Variants in TIGIT observed in about 807,000 individuals in gnomAD.
The protein encoded by TIGIT is T-cell immunoreceptor with Ig and ITIM domains.
A neutral mutation model predicts 19.6 loss-of-function variants in TIGIT; 11 were observed. The ratio of observed to expected loss-of-function variants is 0.56; its 90% CI spans 0.35 to 0.93. The LOEUF (loss-of-function observed/expected upper bound fraction) is 0.93. TIGIT is among the 40% of genes least tolerant of loss of function. The probability of loss-of-function intolerance (pLI) is 0.01; values close to 1 mark genes in which losing one functional copy is unlikely to be tolerated. For missense variants in TIGIT, 295 were observed against 303.9 expected, an observed-to-expected ratio of 0.97 and a Z score of 0.22; for synonymous variants, 130 against 125.5, an observed-to-expected ratio of 1.04 and a Z score of -0.24.
At chr3:114,297,256 C>A (rs2078459732) in intron 2 of TIGIT, among the ~76,000 whole-genome samples, 1 of 152,104 alleles carries the variant, frequency 6.6e-6, no homozygotes, top group South Asian at 2.1e-4. Context: ...TTGCAGTTGA[C>A]CCCACGAAGT....
Position 114,295,727 on chromosome 3 carries a change from A to G in TIGIT, c.244A>G (p.Lys82Glu). The change falls in exon 2 of 4, where the codon AAG becomes GAG. Residue 82 changes from lysine (K) to glutamate (E), a missense_variant. Lys to Glu is a moderately conservative substitution (Grantham distance 56). Coordinates refer to ENST00000383671, the MANE Select transcript of TIGIT (RefSeq NM_173799.4). ...GGGGTGGCACATCTCCCCATCCTTCAAGGATCGAGTGGCCCCAGGTCCCGG... is the reference window on the plus strand; with the variant it reads ...GGGGTGGCACATCTCCCCATCCTTCGAGGATCGAGTGGCCCCAGGTCCCGG... ...DLGWHISPSF[K>E]DRVAPGPGLG... The G allele has an allele frequency of 6.2e-7, 1 of 1,614,178 alleles. No individual in the cohort carries two copies. The highest frequency in any genetic ancestry group is 8.5e-7 in the Non-Finnish European group (1 of 1,180,024).
intron 2 of TIGIT, 36 bp downstream of exon 2, chr3:114,295,910 TC>T: frequency 6.6e-7 from 1 of 1,522,574 alleles, no homozygotes; most frequent in Non-Finnish European, 9.0e-7. Context: ...GATAAACCTC[TC>T]CCTCTAGCAT....
rs1264083145 is a variant in TIGIT at position 114,295,466 on chromosome 3, A to G, written c.62-79A>G. 5 of 1,177,382 alleles carry G rather than the reference A, an allele frequency of 4.2e-6. No homozygotes were observed. In the African/African-American group the frequency reaches 7.7e-5, roughly 18 times the overall value. 72.9% of individuals were successfully genotyped at this position (1,177,382 alleles called of 1,614,324 possible). Reference sequence around the variant, plus strand: ...TTCCAAAATCCAGTTGGGGCCTCAAAGGCCCTTAGAATTTTTCTAGGAAGG... The same window carrying G: ...TTCCAAAATCCAGTTGGGGCCTCAAGGGCCCTTAGAATTTTTCTAGGAAGG... On this transcript the variant is annotated intron_variant, in intron 1 of 3. Transcript: ENST00000383671.
intron 3 of TIGIT, chr3:114,307,535 T>G: frequency 9.2e-6 from 2 of 216,222 alleles, no homozygotes; most frequent in South Asian, 7.4e-5. Flanking sequence ...CAGGAGAGAG[T>G]GATGCCAAAG....
chr3:114,307,862 C>A, intron 3 of TIGIT, 33 bp from the exon 4 acceptor site: 1 of 1,583,144 alleles, frequency 6.3e-7, no homozygotes, highest in Non-Finnish European at 8.7e-7. Context: ...ATAACATCCC[C>A]ACATACTCAC....
intron 3 of TIGIT, among the ~76,000 whole-genome samples, chr3:114,303,539 A>G (rs1576141248): frequency 1.3e-4 from 1 of 7,740 alleles, no homozygotes; most frequent in African/African-American, 2.1e-4. Context: ...GTATATATAT[A>G]CACATATATA....
At chr3:114,306,605 T>G (rs2078536715) in intron 3 of TIGIT, among the ~76,000 whole-genome samples, 1 of 152,180 alleles carries the variant, frequency 6.6e-6, no homozygotes, top group African/African-American at 2.4e-5. Context: ...ATTGCCTTCA[T>G]AAGGTCATGA....
At chr3:114,297,942 T>G (rs767796291) in intron 2 of TIGIT, among the ~76,000 whole-genome samples, 1 of 152,242 alleles carries the variant, frequency 6.6e-6, no homozygotes, top group African/African-American at 2.4e-5. Context: ...CAGTTGCTTA[T>G]GTGGAATGCA....
Position 114,308,068 on chromosome 3 carries a change from C to G in TIGIT, c.672C>G (p.Asp224Glu). The G allele has an allele frequency of 6.2e-7, 1 of 1,614,202 alleles. No individual in the cohort carries two copies. The highest frequency in any genetic ancestry group is 8.5e-7 in the Non-Finnish European group (1 of 1,180,034). ...GAGAGGACTGTGCCGAGCTGCATGACTACTTCAATGTCCTGAGTTACAGAA... is the reference window on the plus strand; with the variant it reads ...GAGAGGACTGTGCCGAGCTGCATGAGTACTTCAATGTCCTGAGTTACAGAA... ...QRGEDCAELH[D>E]YFNVLSYRSL... Residue 224 changes from aspartate to glutamate, a missense_variant, in exon 4 of 4, where the codon GAC becomes GAG. Coordinates refer to ENST00000383671, the MANE Select transcript of TIGIT (RefSeq NM_173799.4).
intron 2 of TIGIT, chr3:114,296,167 G>A (rs1031028234): frequency 8.9e-6 from 3 of 335,216 alleles, no homozygotes; most frequent in Non-Finnish European, 1.6e-5. Context: ...TATTTCCTAG[G>A]AAGACCAGTT....
Position 114,302,859 on chromosome 3 carries a change from A to G in TIGIT, c.498+3156A>G, listed in dbSNP as rs935317002. ...CCTAGAAAAGTCAATATAATCAGCTATTGGATTTTGGAAATTATTCAGTAC... is the reference window on the plus strand; with the variant it reads ...CCTAGAAAAGTCAATATAATCAGCTGTTGGATTTTGGAAATTATTCAGTAC... On this transcript the variant is annotated intron_variant, in intron 3 of 3. Transcript: ENST00000383671. Among the ~76,000 whole-genome samples, 92 of 152,266 alleles carry G rather than the reference A, an allele frequency of 6.0e-4. No homozygotes were observed. The Middle Eastern group carries it at 0.01, about 17-fold the overall frequency.
rs369709621 is a variant in TIGIT, at chr3:114,303,370, T to C, written c.498+3667T>C. On this transcript the variant is annotated intron_variant, in intron 3 of 3. Transcript: ENST00000383671. ...TAGCTCCCACTTCTGAGTGAGAACA[T>C]ACAATGTTTGGTTTTTCATTCCTGA... Among the ~76,000 whole-genome samples the C allele has an allele frequency of 2.0e-4, 30 of 151,996 alleles. No individual in the cohort carries two copies. The East Asian group carries it at 5.6e-3, about 28-fold the overall frequency.
chr3:114,301,923 T>G (rs190771734), intron 3 of TIGIT, among the ~76,000 whole-genome samples: 1 of 152,328 alleles, frequency 6.6e-6, no homozygotes, highest in East Asian at 1.9e-4. Flanking sequence ...AACTGGGTTG[T>G]TTGAAGACAG....
chr3:114,303,612 CATATATAT>C, intron 3 of TIGIT, among the ~76,000 whole-genome samples: 1 of 65,456 alleles, frequency 1.5e-5, no homozygotes. Flanking sequence ...TATATATATA[CATATATAT>C]GTATATATAT....
At chr3:114,306,694 CCATCACAAGGGATGTTTTTGGGAT>C (rs1448375871) in intron 3 of TIGIT, among the ~76,000 whole-genome samples, 3 of 152,068 alleles carry the variant, frequency 2.0e-5, no homozygotes, top group African/African-American at 7.2e-5. Flanking sequence ...GTGAGTGGGA[CCATCACAAGGGATGTTTTTGGGAT>C]CATCACAAGG....
In TIGIT at chr3:114,299,723, A is replaced by G; in HGVS notation, c.498+20A>G. 2.6e-6 allele frequency: 4 copies of G among 1,558,494 alleles called. No individual in the cohort carries two copies. The highest frequency in any genetic ancestry group is 3.5e-6 in the Non-Finnish European group (4 of 1,133,652). On this transcript the variant is annotated intron_variant, in intron 3 of 3. Transcript: ENST00000383671. ...AGAAAGGTAATGGCTCCGGCTGCAC[A>G]CCGCAGTCATGGGCACCCCCACGTC... is the stretch of plus-strand genomic sequence containing the variant.
chr3:114,294,827 A>G (rs1052217034), intron 1 of TIGIT, among the ~76,000 whole-genome samples: 2 of 152,172 alleles, frequency 1.3e-5, no homozygotes, highest in African/African-American at 4.8e-5. Context: ...AGGCACTGCA[A>G]ATGACAATCA....
chr3:114,301,242 C>T (rs1337912281), intron 3 of TIGIT, among the ~76,000 whole-genome samples: 1 of 152,192 alleles, frequency 6.6e-6, no homozygotes, highest in Non-Finnish European at 1.5e-5. Flanking sequence ...CCCAGACCCT[C>T]CACCTGAGAT....
At chr3:114,296,893 T>C (rs1420204415) in intron 2 of TIGIT, among the ~76,000 whole-genome samples, 2 of 71,970 alleles carry the variant, frequency 2.8e-5, no homozygotes, top group African/African-American at 1.4e-4. Context: ...GTTACTTCTT[T>C]TTTTTTTTTT....
Sources: gnomAD v4.1 joint callset for allele counts (sites outside exome capture counted in the v4.1 genomes callset) on GRCh38, gnomAD v4.1.1 for gene constraint, MANE v1.5 for transcripts, NCBI Gene and HGNC (gene_info 2026-07-23, HGNC 2026-07-21) for gene names.